Variants in SLC8B1 observed in about 807,000 individuals in gnomAD.
SLC8B1 encodes solute carrier family 8 member B1.
Under a neutral mutation model 63.4 loss-of-function variants are expected in SLC8B1, and 52 were observed. That is an observed-to-expected ratio of 0.82 (90% CI 0.66 to 1.03). The LOEUF (loss-of-function observed/expected upper bound fraction) is 1.03, where lower values mean the gene tolerates loss of function less well. SLC8B1 is among the 50% of genes least tolerant of loss of function. The pLI is 0.00. For missense variants in SLC8B1, 657 were observed against 741.7 expected (o/e 0.89, Z 1.33); for synonymous variants, 336 against 323.9 (o/e 1.04, Z -0.40).
chr12:113,306,583 G>A lies in SLC8B1; in HGVS notation c.1412-8C>T, dbSNP rs184045399. On this transcript the variant is annotated splice_polypyrimidine_tract_variant and splice_region_variant and intron_variant, in intron 13 of 15. Transcript: ENST00000680972. ...TGAAATCCGAGAAGGCATCTGCACAGGAACAAGAGGGGCCTGCAGTGGTGA... is the reference window on the plus strand; with the variant it reads ...TGAAATCCGAGAAGGCATCTGCACAAGAACAAGAGGGGCCTGCAGTGGTGA... 109 of 1,613,346 alleles carry A rather than the reference G, an allele frequency of 6.8e-5. No homozygotes were observed. Among genetic ancestry groups the A allele is most frequent in the East Asian group, 6.0e-4 (27 of 44,886 alleles).
Position 113,299,962 on chromosome 12 carries a change from C to T in SLC8B1, c.1570G>A (p.Gly524Arg), listed in dbSNP as rs374615156. 11 of 1,613,072 alleles carry T rather than the reference C, an allele frequency of 6.8e-6. No homozygotes were observed. Among genetic ancestry groups the T allele is most frequent in the African/African-American group, 6.7e-5 (5 of 74,906 alleles). Reference sequence around the variant, plus strand: ...CCTGCCAGGACCCACACCAGCAGTCCGTCTGGCTCCAGCTGTGGAAGAATG... The same window carrying T: ...CCTGCCAGGACCCACACCAGCAGTCTGTCTGGCTCCAGCTGTGGAAGAATG... ...SHTEVKLEPD[G>R]LLVWVLAGAL... The change falls in exon 16 of 16, where the codon GGA (glycine) becomes AGA (arginine). Residue 524 changes from glycine (G) to arginine (R), a missense_variant. Gly to Arg is a moderately radical substitution (Grantham distance 125). Transcript: ENST00000680972.
chr12:113,303,141 A>ACACACGCG (rs773636454), intron 15 of SLC8B1, among the ~76,000 whole-genome samples: 73 of 145,742 alleles, frequency 5.0e-4, no homozygotes, highest in Admixed American at 1.2e-3. Context: ...ACACACACAC[A>ACACACGCG]CGCGCGCGCA....
At chr12:113,325,402 C>T (rs142283396) in intron 2 of SLC8B1, among the ~76,000 whole-genome samples, 26 of 152,208 alleles carry the variant, frequency 1.7e-4, no homozygotes, top group Non-Finnish European at 3.2e-4. Flanking sequence ...TACAGGCATG[C>T]ACCACCACAC....
rs1319544605 is a variant in SLC8B1 at position 113,299,684 on chromosome 12, G to GGCCTTGCAGA, written c.*83_*92dup. 1.0e-5 allele frequency: 13 copies of GGCCTTGCAGA among 1,271,892 alleles called. No individual in the cohort carries two copies. The highest frequency in any genetic ancestry group is 1.4e-5 in the Non-Finnish European group (12 of 878,832). 78.8% of individuals were successfully genotyped at this position (1,271,892 alleles called of 1,614,324 possible). On this transcript the variant is annotated 3_prime_UTR_variant, in exon 16 of 16. Coordinates refer to ENST00000680972, the MANE Select transcript of SLC8B1 (RefSeq NM_001358345.2). ...AGGGCCGCACTCTCGTGCCCACAAG[G>GGCCTTGCAGA]GCCTTGCAGAAATGCTCCGGTCCCT...
chr12:113,324,328 CA>C (rs1213496515), intron 2 of SLC8B1, among the ~76,000 whole-genome samples: 32 of 134,796 alleles, frequency 2.4e-4, no homozygotes, highest in East Asian at 4.5e-4. Context: ...AACAAACAAA[CA>C]AAAAAAAAAA....
At chr12:113,330,470 C>T (rs972487934) in intron 2 of SLC8B1, among the ~76,000 whole-genome samples, 4 of 152,210 alleles carry the variant, frequency 2.6e-5, no homozygotes, top group African/African-American at 7.2e-5. Context: ...CTTCACCTCC[C>T]TGAACCTTGG....
chr12:113,329,277 A>T (rs1005237780), intron 2 of SLC8B1, among the ~76,000 whole-genome samples: 5 of 152,148 alleles, frequency 3.3e-5, no homozygotes, highest in African/African-American at 1.2e-4. Flanking sequence ...ACAGCCCACC[A>T]CTGAGAAGTG....
At chr12:113,332,034 G>C (rs932095676) in intron 2 of SLC8B1, among the ~76,000 whole-genome samples, 3 of 152,106 alleles carry the variant, frequency 2.0e-5, no homozygotes, top group African/African-American at 7.2e-5. Context: ...GCTTGTTCCT[G>C]CTCCAGAATC....
intron 9 of SLC8B1, 67 bp downstream of exon 9, chr12:113,316,875 C>T: frequency 1.3e-6 from 2 of 1,557,782 alleles, no homozygotes; most frequent in Non-Finnish European, 1.8e-6. Flanking sequence ...CTTGGAGGGC[C>T]CCATCTTTCC....
Position 113,304,302 on chromosome 12 carries a change from ACTTAC to A in SLC8B1, c.1557+14_1557+18del, listed in dbSNP as rs947075052. The A allele has an allele frequency of 6.2e-7, 1 of 1,611,706 alleles. No individual in the cohort carries two copies. Among genetic ancestry groups the A allele is most frequent in the African/African-American group, 1.3e-5 (1 of 74,994 alleles). ...ACATCTTGGTTATATACACTTGTAA[ACTTAC>A]AAGGAATACTCACCTTCACTTCTGT... On this transcript the variant is annotated intron_variant, in intron 15 of 15. Coordinates refer to ENST00000680972, the MANE Select transcript of SLC8B1 (RefSeq NM_001358345.2).
In SLC8B1 at chr12:113,315,315, C is replaced by T. The variant is rs1033467585; in HGVS notation, c.1135+20G>A. On this transcript the variant is annotated intron_variant, in intron 11 of 15. Coordinates refer to ENST00000680972, the MANE Select transcript of SLC8B1 (RefSeq NM_001358345.2). ...GGAAGGAGTAGGAAGGTGGGTTGGC[C>T]CGGGGTAGGGGATACTCACAGGTCC... The T allele has an allele frequency of 1.3e-6, 2 of 1,500,760 alleles. No individual in the cohort carries two copies. Among genetic ancestry groups the T allele is most frequent in the Admixed American group, 2.3e-5 (1 of 44,350 alleles). 93.0% of individuals were successfully genotyped at this position (1,500,760 alleles called of 1,614,324 possible).
At chr12:113,324,927 C>T (rs1367333297) in intron 2 of SLC8B1, among the ~76,000 whole-genome samples, 2 of 152,160 alleles carry the variant, frequency 1.3e-5, no homozygotes, top group Non-Finnish European at 2.9e-5. Flanking sequence ...TGGTCTTGAA[C>T]TCCTGACCTC....
chr12:113,303,141 A>ACACACACACACACACGCG lies in SLC8B1; in HGVS notation c.1557+1179_1557+1180insCGCGTGTGTGTGTGTGTG, dbSNP rs773636454. 3.0e-4 allele frequency among the ~76,000 whole-genome samples: 43 copies of ACACACACACACACACGCG among 145,742 alleles called. 1 individual carries two copies. The highest frequency in any genetic ancestry group is 1.0e-3 in the African/African-American group (39 of 38,148). On this transcript the variant is annotated intron_variant, in intron 15 of 15. Transcript: ENST00000680972. ...CACACACACACACACACACACACAC[A>ACACACACACACACACGCG]CGCGCGCGCACAGGAGAAAAGAGGA...
rs1264014040 is a variant in SLC8B1, at chr12:113,329,131, T to C, written c.156+3592A>G. The stretch of plus-strand genomic sequence containing the variant: ...TGGCAGAGTAGGCCCTCCTAACAGT[T>C]GTGCTGCACACCGTGCTGGGCATCA... On this transcript the variant is annotated intron_variant, in intron 2 of 15. Transcript: ENST00000680972. 3.9e-5 allele frequency among the ~76,000 whole-genome samples: 6 copies of C among 152,160 alleles called. No homozygotes were observed. The East Asian group carries it at 7.7e-4, about 20-fold the overall frequency.
intron 12 of SLC8B1, chr12:113,308,236 C>G (rs2136830207): frequency 5.7e-6 from 1 of 176,984 alleles, no homozygotes; most frequent in African/African-American, 2.4e-5. Context: ...ATCCCAGCTA[C>G]TCGAGAGGCT....
chr12:113,307,797 C>T lies in SLC8B1; in HGVS notation c.1305G>A (p.Ala435=), dbSNP rs142221401. The T allele has an allele frequency of 3.1e-5, 50 of 1,613,646 alleles. No homozygotes were observed. The highest frequency in any genetic ancestry group is 3.1e-4 in the African/African-American group (23 of 75,034). ...AGATGTTCACCACCTCTGTGGCGGC[C>T]GCGTTGATCCACAGGGCGCTGGTCA... ...GFLTSALWIN[A]AATEVVNILR... Residue 435 remains alanine, a synonymous_variant, in exon 13 of 16, where the codon GCG becomes GCA. Transcript: ENST00000680972.
chr12:113,330,691 C>T (rs1228937799), intron 2 of SLC8B1, among the ~76,000 whole-genome samples: 2 of 152,224 alleles, frequency 1.3e-5, no homozygotes, highest in African/African-American at 4.8e-5. Context: ...AAACCACTTT[C>T]CCATCTGTAA....
chr12:113,329,770 C>A (rs1246523638), intron 2 of SLC8B1, among the ~76,000 whole-genome samples: 1 of 152,176 alleles, frequency 6.6e-6, no homozygotes, highest in Non-Finnish European at 1.5e-5. Flanking sequence ...AACTCAATAC[C>A]TTGGAATTCT....
rs1181353835 is a variant in SLC8B1, at chr12:113,320,647, T to C, written c.460A>G (p.Ile154Val). The change falls in exon 6 of 16, where the codon ATC becomes GTC. Residue 154 changes from isoleucine to valine, a missense_variant. Ile to Val is a conservative substitution (Grantham distance 29). Coordinates refer to ENST00000680972, the MANE Select transcript of SLC8B1 (RefSeq NM_001358345.2). The surrounding 1 kb of genome is among the most constrained non-coding windows in gnomAD (Gnocchi z 5.3). ...GAGAAGGCCACCAGGGCACTGAAGA[T>C]GTCAGGTGCACCATTCCCAAATGCC... Reference protein sequence around the residue: ...FLAFGNGAPDIFSALVAFSDP... With the variant: ...FLAFGNGAPDVFSALVAFSDP... 1 of 1,613,958 alleles carries C rather than the reference T, an allele frequency of 6.2e-7. No homozygotes were observed. The highest frequency in any genetic ancestry group is 1.3e-5 in the African/African-American group (1 of 74,926).
Sources: gnomAD v4.1 joint callset for allele counts (sites outside exome capture counted in the v4.1 genomes callset) on GRCh38, gnomAD v4.1.1 for gene constraint, Gnocchi (gnomAD v3.1) non-coding constraint, MANE v1.5 for transcripts, NCBI Gene and HGNC (gene_info 2026-07-23, HGNC 2026-07-21) for gene names.